NDST4: variants seen among roughly 807,000 people sequenced by gnomAD.
NDST4 encodes the protein N-heparan sulfate sulfotransferase 4.
A neutral mutation model predicts 100.8 loss-of-function variants in NDST4; 63 were observed. That is an observed-to-expected ratio of 0.62 (90% confidence interval 0.51 to 0.77). The LOEUF is 0.77. Ranked by LOEUF, NDST4 falls within the 30% of genes least tolerant of loss-of-function variation. The pLI is 0.00. For synonymous variants in NDST4, 377 were observed against 361.8 expected (o/e 1.04, Z -0.48); for missense variants, 943 against 1,018.4 (o/e 0.93, Z 1.01).
At chr4:114,935,357 A>G in intron 5 of NDST4, 23 bp from the exon 6 acceptor site, 3 of 1,537,236 alleles carry the variant, frequency 2.0e-6, no homozygotes, top group Non-Finnish European at 2.6e-6. Context: ...GGGGAAAAAC[A>G]GCACATGGAC....
At chr4:114,983,904 T>C (rs1020270508) in intron 2 of NDST4, among the ~76,000 whole-genome samples, 2 of 152,118 alleles carry the variant, frequency 1.3e-5, no homozygotes, top group Non-Finnish European at 2.9e-5. Flanking sequence ...TGCAGTCTTG[T>C]GACAGAGTTC....
intron 2 of NDST4, among the ~76,000 whole-genome samples, chr4:115,056,964 T>G (rs1379099472): frequency 6.6e-6 from 1 of 152,136 alleles, no homozygotes; most frequent in East Asian, 1.9e-4. Context: ...ACCATTATTT[T>G]GGGTAATTTT....
At chr4:115,052,394 C>G (rs1050512085) in intron 2 of NDST4, among the ~76,000 whole-genome samples, 1 of 152,076 alleles carries the variant, frequency 6.6e-6, no homozygotes, top group African/African-American at 2.4e-5. Context: ...ATAAAGTACT[C>G]TATTCACCTA....
At chr4:114,830,280 G>A (rs1056479860) in intron 12 of NDST4, among the ~76,000 whole-genome samples, 1 of 152,104 alleles carries the variant, frequency 6.6e-6, no homozygotes, top group Non-Finnish European at 1.5e-5. Flanking sequence ...TATGTTAACA[G>A]ACTTATTTGA....
At position 114,866,677 on chromosome 4, in the gene NDST4, G is replaced by A. The variant is rs189295122; in HGVS notation, c.1719+4091C>T. Among the ~76,000 whole-genome samples the A allele has an allele frequency of 2.1e-3, 323 of 152,104 alleles. 1 individual carries two copies. Among genetic ancestry groups the A allele is most frequent in the African/African-American group, 7.3e-3 (303 of 41,560 alleles). ...GTTTGCAGGAATCAGTATATGACAA[G>A]CATAAGTGTCTGCAATTCTGTGTGG... On this transcript the variant is annotated intron_variant, in intron 7 of 13. Transcript: ENST00000264363.
intron 1 of NDST4, among the ~76,000 whole-genome samples, chr4:115,091,670 G>T (rs554314654): frequency 6.6e-6 from 1 of 152,198 alleles, no homozygotes; most frequent in East Asian, 1.9e-4. Flanking sequence ...ATGAGAATTT[G>T]TGAAAATACA....
chr4:114,988,365 T>C (rs2126250432), intron 2 of NDST4, among the ~76,000 whole-genome samples: 1 of 131,496 alleles, frequency 7.6e-6, no homozygotes, highest in Admixed American at 7.6e-5. Flanking sequence ...TTTTTTTTTT[T>C]TTTTTTTTTT....
In NDST4 at chr4:114,852,672, T is replaced by C. The variant is rs1372470426; in HGVS notation, c.1816+53A>G. 3 of 980,160 alleles carry C rather than the reference T, an allele frequency of 3.1e-6. No homozygotes were observed. The Admixed American group carries it at 6.5e-5, about 21-fold the overall frequency. 60.7% of individuals were successfully genotyped at this position (980,160 alleles called of 1,614,324 possible). ...TCTGATAAATCCATATACCAATGTA[T>C]TTCATAAAATATTTTTAAAAAGGAT... is the stretch of plus-strand genomic sequence containing the variant. On this transcript the variant is annotated intron_variant, in intron 8 of 13. Transcript: ENST00000264363.
intron 6 of NDST4, among the ~76,000 whole-genome samples, chr4:114,931,998 G>A (rs1023382112): frequency 4.0e-5 from 6 of 151,798 alleles, no homozygotes; most frequent in Non-Finnish European, 7.4e-5. Flanking sequence ...ATTTTATGAG[G>A]TTAGCATTAC....
At chr4:115,054,255 T>C (rs1728646941) in intron 2 of NDST4, among the ~76,000 whole-genome samples, 1 of 152,072 alleles carries the variant, frequency 6.6e-6, no homozygotes, top group South Asian at 2.1e-4. Context: ...CCTGTATCTA[T>C]CATGAGGCAA....
At chr4:114,850,227 A>G (rs953426200) in intron 8 of NDST4, among the ~76,000 whole-genome samples, 6 of 152,158 alleles carry the variant, frequency 3.9e-5, no homozygotes, top group Non-Finnish European at 5.9e-5. Context: ...AAATATAGAC[A>G]CTTTATAGCC....
chr4:115,073,541 T>C (rs945905360), intron 2 of NDST4, among the ~76,000 whole-genome samples: 1 of 152,076 alleles, frequency 6.6e-6, no homozygotes, highest in South Asian at 2.1e-4. Context: ...GAGGACATTA[T>C]GTTAAGTGAA....
Position 115,007,753 on chromosome 4 carries a change from G to A in NDST4, c.979-30479C>T, listed in dbSNP as rs773341331. Among the ~76,000 whole-genome samples the A allele has an allele frequency of 1.5e-5, 2 of 129,470 alleles. 1 individual carries two copies. Among genetic ancestry groups the A allele is most frequent in the Admixed American group, 1.6e-4 (2 of 12,680 alleles). 84.9% of individuals were successfully genotyped at this position (129,470 alleles called of 152,430 possible). A position where few individuals can be genotyped will look rare whatever the true frequency, so the allele number is the denominator to read the frequency against. On this transcript the variant is annotated intron_variant, in intron 2 of 13. Transcript: ENST00000264363. ...ATCTGCTTAGATGCTAAAGACAACA[G>A]GAAGACTTTCTGGAATATGTTCAGC...
Position 115,076,869 on chromosome 4 carries a change from T to A in NDST4, c.168A>T (p.Lys56Asn). ...TTAEAECTDI[K>N]ILPYRSMELK... ...GCTCCATTGACCTATATGGTAGAAT[T>A]TTGATGTCAGTGCATTCTGCTTCTG... Residue 56 changes from lysine (K) to asparagine (N), a missense_variant, in exon 2 of 14, where the codon AAA (lysine) becomes AAT (asparagine). Lys to Asn is a moderately conservative substitution (Grantham distance 94). Around this residue, in one of 2 missense-constraint regions of NDST4, gnomAD observed 417 missense variants for 384.2 expected, o/e 1.09. Coordinates refer to ENST00000264363, the MANE Select transcript of NDST4 (RefSeq NM_022569.3). 1 of 1,613,860 alleles carries A rather than the reference T, an allele frequency of 6.2e-7. No individual in the cohort carries two copies. Among genetic ancestry groups the A allele is most frequent in the Non-Finnish European group, 8.5e-7 (1 of 1,179,876 alleles).
chr4:114,869,763 C>G (rs571882250), intron 7 of NDST4, among the ~76,000 whole-genome samples: 1 of 152,216 alleles, frequency 6.6e-6, no homozygotes, highest in South Asian at 2.1e-4. Flanking sequence ...AGAAATCTCT[C>G]CACTGGCTTT....
intron 2 of NDST4, among the ~76,000 whole-genome samples, chr4:115,059,828 G>A (rs1206489237): frequency 2.0e-5 from 3 of 151,994 alleles, no homozygotes; most frequent in African/African-American, 7.2e-5. Flanking sequence ...CACATGAGGA[G>A]AAGTTGCAAT....
At chr4:115,027,042 C>T (rs914622354) in intron 2 of NDST4, among the ~76,000 whole-genome samples, 1 of 152,128 alleles carries the variant, frequency 6.6e-6, no homozygotes, top group African/African-American at 2.4e-5. Flanking sequence ...AGTAACCTGG[C>T]TGGTGGTTGA....
rs150139739 is a variant in NDST4, at chr4:114,845,985, A to G, written c.1953T>C (p.Phe651=). Residue 651 remains phenylalanine, a synonymous_variant, in exon 10 of 14, where the codon TTT becomes TTC. Transcript: ENST00000264363. ...YHKGIDWYMD[F]FPTPSNTTSD... ...TTGTAGTATTGGATGGTGTAGGGAA[A>G]AAGTCCATATACCTGAAGGCAGAGA... 1.1e-4 allele frequency: 177 copies of G among 1,604,912 alleles called. No homozygotes were observed. The highest frequency in any genetic ancestry group is 1.5e-4 in the Non-Finnish European group (171 of 1,172,808).
intron 1 of NDST4, among the ~76,000 whole-genome samples, chr4:115,100,690 T>C (rs997902080): frequency 6.6e-6 from 1 of 152,036 alleles, no homozygotes; most frequent in Non-Finnish European, 1.5e-5. Flanking sequence ...TAAGACAAAA[T>C]GACACTTCTA....
Sources: gnomAD v4.1 joint callset for allele counts (sites outside exome capture counted in the v4.1 genomes callset) on GRCh38, gnomAD v4.1.1 for gene constraint, gnomAD v4.1.1 regional missense constraint, MANE v1.5 for transcripts, NCBI Gene and HGNC (gene_info 2026-07-23, HGNC 2026-07-21) for gene names.